APOLD1: variants seen among roughly 807,000 people sequenced by gnomAD.
The protein encoded by APOLD1 is apolipoprotein L domain-containing protein 1.
A neutral mutation model predicts 15.3 loss-of-function variants in APOLD1; 22 were observed. That is an observed-to-expected ratio of 1.44 (90% CI 1.03 to 2.05). The LOEUF is 2.05. Among genes scored for constraint, APOLD1 ranks in the 30% most tolerant of loss-of-function variants. The probability of loss-of-function intolerance (pLI) is 0.00; values close to 1 mark genes in which losing one functional copy is unlikely to be tolerated. For missense variants in APOLD1, 394 were observed against 353.5 expected (o/e 1.11, Z -0.92); for synonymous variants, 190 against 167.4 (o/e 1.13, Z -1.04).
Position 12,761,830 on chromosome 12 carries a change from T to TAGAGAGAGAGAGAGAGAGAGAGAGAG in APOLD1, c.97-25072_97-25047dup, listed in dbSNP as rs6144616. Among the ~76,000 whole-genome samples, 63 of 114,632 alleles carry TAGAGAGAGAGAGAGAGAGAGAGAGAG rather than the reference T, an allele frequency of 5.5e-4. 4 individuals are homozygous for TAGAGAGAGAGAGAGAGAGAGAGAGAG. The highest frequency in any genetic ancestry group is 7.5e-4 in the Non-Finnish European group (44 of 58,536). 75.2% of individuals were successfully genotyped at this position (114,632 alleles called of 152,430 possible). A position where few individuals can be genotyped will look rare whatever the true frequency, so the allele number is the denominator to read the frequency against. On this transcript the variant is annotated intron_variant, in intron 1 of 1. Coordinates refer to the APOLD1 transcript ENST00000326765. ...GAACATATACATATATGTATATGTATAGAGAGAGAGAGAGAGAGAGAGAGA... is the reference window on the plus strand; with the variant it reads ...GAACATATACATATATGTATATGTATAGAGAGAGAGAGAGAGAGAGAGAGAGAGAGAGAGAGAGAGAGAGAGAGAGA...
intron 1 of APOLD1, among the ~76,000 whole-genome samples, chr12:12,735,099 A>G (rs1946673932): frequency 6.6e-6 from 1 of 152,062 alleles, no homozygotes; most frequent in Non-Finnish European, 1.5e-5. Context: ...GCCTTTAAAA[A>G]TCCACCAACA....
At chr12:12,765,921 C>A (rs558404722) in intron 1 of APOLD1, among the ~76,000 whole-genome samples, 1 of 152,214 alleles carries the variant, frequency 6.6e-6, no homozygotes, top group South Asian at 2.1e-4. Flanking sequence ...AAGAGTAGAT[C>A]TTCTGTGCTC....
chr12:12,742,777 A>G (rs1375802454), intron 1 of APOLD1, among the ~76,000 whole-genome samples: 2 of 120,498 alleles, frequency 1.7e-5, no homozygotes, highest in Non-Finnish European at 3.6e-5. Flanking sequence ...AAAAAAAAAA[A>G]GGCCCTGGTC....
chr12:12,727,646 A>G (rs972910814), intron 1 of APOLD1, among the ~76,000 whole-genome samples: 4 of 152,004 alleles, frequency 2.6e-5, no homozygotes, highest in Admixed American at 1.3e-4. Context: ...CCTGTCATCC[A>G]GGCTGGAGTG....
At chr12:12,754,940 G>A (rs971019129) in intron 1 of APOLD1, among the ~76,000 whole-genome samples, 5 of 151,564 alleles carry the variant, frequency 3.3e-5, no homozygotes, top group Admixed American at 6.6e-5. Context: ...CTAGCTACTC[G>A]GGAGGCTGAG....
intron 1 of APOLD1, among the ~76,000 whole-genome samples, chr12:12,744,715 G>A (rs1027306221): frequency 6.6e-6 from 1 of 152,126 alleles, no homozygotes; most frequent in Admixed American, 6.5e-5. Context: ...ATAAATTTCC[G>A]GGGTGCTCTG....
intron 1 of APOLD1, among the ~76,000 whole-genome samples, chr12:12,774,614 A>AAG (rs1947017428): frequency 6.6e-6 from 1 of 151,646 alleles, no homozygotes; most frequent in East Asian, 1.9e-4. Flanking sequence ...GAAAGAAAAC[A>AAG]AGGAACCTGA....
chr12:12,738,533 A>G (rs1946707705), intron 1 of APOLD1, among the ~76,000 whole-genome samples: 1 of 152,180 alleles, frequency 6.6e-6, no homozygotes, highest in African/African-American at 2.4e-5. Context: ...CATATCTACT[A>G]TCTTAAAACG....
upstream of APOLD1, among the ~76,000 whole-genome samples, chr12:12,782,257 TCAAACAAACAAACAAACAAA>T (rs59794394): frequency 2.5e-5 from 3 of 119,038 alleles, no homozygotes; most frequent in Non-Finnish European, 3.7e-5. Context: ...AGACTCCGTC[TCAAACAAACAAACAAACAAA>T]CAAACAAACA....
At chr12:12,778,036 C>T (rs1947051300) in intron 1 of APOLD1, among the ~76,000 whole-genome samples, 1 of 151,674 alleles carries the variant, frequency 6.6e-6, no homozygotes, top group Non-Finnish European at 1.5e-5. Context: ...GCGATCCTCC[C>T]ACCTCAGGCT....
At chr12:12,734,985 G>A (rs1295014549) in intron 1 of APOLD1, among the ~76,000 whole-genome samples, 1 of 152,194 alleles carries the variant, frequency 6.6e-6, no homozygotes. Context: ...GCTTCATGCT[G>A]TAGCAGTTTG....
At position 12,787,435 on chromosome 12, in the gene APOLD1, G is replaced by C. The variant is rs1198544723; in HGVS notation, c.530G>C (p.Gly177Ala). The C allele has an allele frequency of 6.2e-7, 1 of 1,614,222 alleles. No individual in the cohort carries two copies. The highest frequency in any genetic ancestry group is 8.5e-7 in the Non-Finnish European group (1 of 1,180,052). ...TTCATCGTCTTCTTTGGCTCACGTG[G>C]CTTCCTCATCCCCAGGCGGGCGGAG... ...VYFIVFFGSR[G>A]FLIPRRAEGD... The change falls in exon 2 of 2, where the codon GGC becomes GCC. Residue 177 changes from glycine (G) to alanine (A), a missense_variant. Coordinates refer to ENST00000356591, the MANE Select transcript of APOLD1 (RefSeq NM_030817.3). This position sits in a 1 kb window ranked among gnomAD's most constrained non-coding sequence, Gnocchi z 4.9.
intron 1 of APOLD1, among the ~76,000 whole-genome samples, chr12:12,756,369 A>G (rs571864158): frequency 4.9e-4 from 74 of 152,350 alleles, no homozygotes; most frequent in Admixed American, 1.9e-3. Context: ...CTCTTTATGA[A>G]CGCTGGCACC....
chr12:12,774,773 G>A (rs1947019375), intron 1 of APOLD1, among the ~76,000 whole-genome samples: 1 of 151,958 alleles, frequency 6.6e-6, no homozygotes, highest in South Asian at 2.1e-4. Flanking sequence ...TGATTAGAAT[G>A]GCCAAAATCT....
upstream of APOLD1, among the ~76,000 whole-genome samples, chr12:12,781,310 G>A (rs897649340): frequency 6.6e-6 from 1 of 152,062 alleles, no homozygotes; most frequent in African/African-American, 2.4e-5. Flanking sequence ...CAGGGGTGGT[G>A]GCAGGCACTT....
At chr12:12,773,494 T>A (rs1351817143) in intron 1 of APOLD1, among the ~76,000 whole-genome samples, 5 of 152,162 alleles carry the variant, frequency 3.3e-5, no homozygotes, top group Non-Finnish European at 7.3e-5. Flanking sequence ...CCCAAGAGTT[T>A]GAGGTTACAG....
chr12:12,726,061 G>T, exon 1 of APOLD1: 1 of 1,538,066 alleles, frequency 6.5e-7, no homozygotes, highest in East Asian at 2.5e-5. Context: ...GCGGGCAGGA[G>T]CCTGGCGAGG....
Position 12,734,069 on chromosome 12 carries a change from C to T in APOLD1, c.96+7973C>T, listed in dbSNP as rs190190108. Among the ~76,000 whole-genome samples the T allele has an allele frequency of 2.6e-5, 4 of 152,254 alleles. No individual in the cohort carries two copies. In the East Asian group the frequency reaches 7.7e-4, roughly 29 times the overall value. On this transcript the variant is annotated intron_variant, in intron 1 of 1. Coordinates refer to the APOLD1 transcript ENST00000326765. The stretch of plus-strand genomic sequence containing the variant: ...TATCTAACTTCAGATGCCATTAAAT[C>T]TGTACATGAGTTATGAGGAGTGTAT...
intron 1 of APOLD1, among the ~76,000 whole-genome samples, chr12:12,751,424 C>T (rs565281737): frequency 6.6e-6 from 1 of 152,272 alleles, no homozygotes; most frequent in East Asian, 1.9e-4. Flanking sequence ...AAATGTGGCT[C>T]ACTACAACTT....
Sources: allele counts gnomAD v4.1 joint callset (sites outside exome capture counted in the v4.1 genomes callset), GRCh38; gene constraint gnomAD v4.1.1; non-coding constraint Gnocchi (gnomAD v3.1); transcripts MANE v1.5; gene names NCBI Gene and HGNC (gene_info 2026-07-23, HGNC 2026-07-21).